ARHGAP39: variants seen among roughly 807,000 people sequenced by gnomAD.
ARHGAP39 encodes the protein rho GTPase-activating protein 39.
ARHGAP39 carries 44 observed loss-of-function variants against 106.9 expected under a neutral mutation model. That is an observed-to-expected ratio of 0.41 (90% CI 0.32 to 0.53). The LOEUF is 0.53. ARHGAP39 is among the 20% of genes least tolerant of loss of function. The probability of loss-of-function intolerance (pLI) is 0.21; values close to 1 mark genes in which losing one functional copy is unlikely to be tolerated. For missense variants in ARHGAP39, 1,496 were observed against 1,577.3 expected, an observed-to-expected ratio of 0.95 and a Z score of 0.87; for synonymous variants, 768 against 693.2, an observed-to-expected ratio of 1.11 and a Z score of -1.69.
intron 3 of ARHGAP39, among the ~76,000 whole-genome samples, chr8:144,567,351 G>C (rs1818432999): frequency 6.6e-6 from 1 of 152,248 alleles, no homozygotes; most frequent in Non-Finnish European, 1.5e-5. Context: ...GTTATGCCCA[G>C]ACAGGGCCAC....
intron 2 of ARHGAP39, among the ~76,000 whole-genome samples, chr8:144,587,529 C>T (rs546175531): frequency 3.9e-5 from 6 of 152,212 alleles, no homozygotes; most frequent in Admixed American, 2.6e-4. Flanking sequence ...GATAGAGGGA[C>T]GGAGCACAGG....
intron 3 of ARHGAP39, among the ~76,000 whole-genome samples, chr8:144,573,303 G>A (rs1034198995): frequency 2.6e-5 from 4 of 152,194 alleles, no homozygotes; most frequent in African/African-American, 9.7e-5. Flanking sequence ...CATGTCCTTT[G>A]CAGGGACATG....
intron 2 of ARHGAP39, among the ~76,000 whole-genome samples, chr8:144,603,687 C>CTCAAAAAAAAAAAAAAAAA (rs1820169248): frequency 1.3e-5 from 1 of 77,714 alleles, no homozygotes; most frequent in Non-Finnish European, 2.8e-5. Flanking sequence ...GAGACTCCAT[C>CTCAAAAAAAAAAAAAAAAA]AAAAAAAAAA....
intron 2 of ARHGAP39, among the ~76,000 whole-genome samples, chr8:144,587,178 T>C (rs1431028186): frequency 6.6e-6 from 1 of 152,230 alleles, no homozygotes; most frequent in Non-Finnish European, 1.5e-5. Context: ...AAACCTCTTT[T>C]CTTTATAAGT....
rs556479266 is a variant in ARHGAP39 at position 144,594,011 on chromosome 8, C to G, written c.80+11524G>C. Among the ~76,000 whole-genome samples the G allele has an allele frequency of 6.6e-5, 10 of 151,324 alleles. No individual in the cohort carries two copies. In the South Asian group the frequency reaches 2.1e-3, roughly 32 times the overall value. On this transcript the variant is annotated intron_variant, in intron 2 of 11. Coordinates refer to ENST00000377307, the MANE Select transcript of ARHGAP39 (RefSeq NM_025251.3). The stretch of plus-strand genomic sequence containing the variant: ...GGCTGAGGCAGGAGAATTGCTTGAA[C>G]CCGGGAGGCAGAGGTTGCAATGAGC...
intron 1 of ARHGAP39, among the ~76,000 whole-genome samples, chr8:144,636,317 G>T (rs138469657): frequency 6.6e-6 from 1 of 152,242 alleles, no homozygotes; most frequent in Non-Finnish European, 1.5e-5. Flanking sequence ...GTTAGTGGAG[G>T]ATTAGCAATT....
upstream of ARHGAP39, among the ~76,000 whole-genome samples, chr8:144,689,525 C>G (rs1290315362): frequency 6.9e-6 from 1 of 143,936 alleles, no homozygotes; most frequent in Admixed American, 7.3e-5. Context: ...CAACTTCTGC[C>G]TCCCAGGTTC....
At chr8:144,595,922 T>G (rs1819603561) in intron 2 of ARHGAP39, among the ~76,000 whole-genome samples, 1 of 152,154 alleles carries the variant, frequency 6.6e-6, no homozygotes, top group Non-Finnish European at 1.5e-5. Flanking sequence ...TTGTCCTCTT[T>G]GCCACGCTGC....
chr8:144,530,164 A>C lies in ARHGAP39; in HGVS notation c.*258T>G. ...ACTTTCTCGGAGCTGACCCGCGGCC[A>C]GCGGAGGGCGAGGCGGTGCCCGCGG... is the stretch of plus-strand genomic sequence containing the variant. On this transcript the variant is annotated 3_prime_UTR_variant, in exon 12 of 12. Coordinates refer to ENST00000377307, the MANE Select transcript of ARHGAP39 (RefSeq NM_025251.3). 1 of 516,304 alleles carries C rather than the reference A, an allele frequency of 1.9e-6. No homozygotes were observed. 32.0% of individuals were successfully genotyped at this position (516,304 alleles called of 1,614,324 possible). A position where few individuals can be genotyped will look rare whatever the true frequency, so the allele number is the denominator to read the frequency against.
At chr8:144,661,094 C>T (rs1168503898) in intron 1 of ARHGAP39, among the ~76,000 whole-genome samples, 1 of 152,174 alleles carries the variant, frequency 6.6e-6, no homozygotes, top group Non-Finnish European at 1.5e-5. Context: ...TCCAGTCTGG[C>T]TGCAGACGGC....
intron 1 of ARHGAP39, among the ~76,000 whole-genome samples, chr8:144,672,677 A>G (rs1294268881): frequency 6.6e-6 from 1 of 152,186 alleles, no homozygotes; most frequent in African/African-American, 2.4e-5. Context: ...TAGTGTTGAT[A>G]TTAATTTTTA....
intron 1 of ARHGAP39, among the ~76,000 whole-genome samples, chr8:144,660,715 C>A (rs1373414556): frequency 1.3e-5 from 2 of 152,110 alleles, no homozygotes; most frequent in African/African-American, 4.8e-5. Context: ...GTGGGTGGCT[C>A]ACCCCTATAA....
intron 2 of ARHGAP39, among the ~76,000 whole-genome samples, chr8:144,587,443 T>C (rs1002938528): frequency 2.6e-5 from 4 of 151,982 alleles, no homozygotes; most frequent in African/African-American, 4.8e-5. Context: ...AAGAATTGAG[T>C]GGAAAATCTA....
At chr8:144,693,212 G>A in the ARHGAP39 span, among the ~76,000 whole-genome samples, 1 of 142,152 alleles carries the variant, frequency 7.0e-6, no homozygotes, top group South Asian at 2.3e-4. Flanking sequence ...TTACAGGCAT[G>A]TGCCACCATG....
chr8:144,682,690 G>C (rs1284195050), intron 1 of ARHGAP39, among the ~76,000 whole-genome samples: 1 of 151,852 alleles, frequency 6.6e-6, no homozygotes, highest in African/African-American at 2.4e-5. Context: ...CACCGTTTCT[G>C]TTGCAAGGAT....
intron 1 of ARHGAP39, among the ~76,000 whole-genome samples, chr8:144,616,418 T>G (rs1820637761): frequency 6.6e-6 from 1 of 152,218 alleles, no homozygotes; most frequent in Non-Finnish European, 1.5e-5. Context: ...GGAAGGGCTT[T>G]GTAAATGCAG....
intron 2 of ARHGAP39, among the ~76,000 whole-genome samples, chr8:144,590,509 A>T (rs1337989064): frequency 6.6e-6 from 1 of 152,096 alleles, no homozygotes; most frequent in Non-Finnish European, 1.5e-5. Context: ...AAGCTTCCTG[A>T]GGCCTCCCCA....
At chr8:144,552,005 C>T (rs1175637628) in intron 4 of ARHGAP39, among the ~76,000 whole-genome samples, 1 of 152,242 alleles carries the variant, frequency 6.6e-6, no homozygotes, top group Non-Finnish European at 1.5e-5. Flanking sequence ...ATTCCCACAC[C>T]TCTCTGTAGG....
intron 4 of ARHGAP39, among the ~76,000 whole-genome samples, chr8:144,553,248 C>T (rs58387383): frequency 1.8e-3 from 279 of 152,298 alleles, no homozygotes; most frequent in African/African-American, 6.3e-3. Flanking sequence ...CCCAGCTTGC[C>T]GTGGCAGGCC....
Sources: gnomAD v4.1 joint callset for allele counts (sites outside exome capture counted in the v4.1 genomes callset) on GRCh38, gnomAD v4.1.1 for gene constraint, MANE v1.5 for transcripts, NCBI Gene and HGNC (gene_info 2026-07-23, HGNC 2026-07-21) for gene names.